Variants in SLIT2 observed in about 807,000 individuals in gnomAD.
SLIT2 encodes the protein slit guidance ligand 2, also known as slit homolog 2 protein.
In SLIT2, 41 loss-of-function variants were observed where a neutral mutation model predicts 185.7. The ratio of observed to expected loss-of-function variants is 0.22; its 90% CI spans 0.17 to 0.29. The LOEUF is 0.29. SLIT2 is among the 10% of genes least tolerant of loss of function. SLIT2 has a pLI of 1.00. For synonymous variants in SLIT2, 693 were observed against 680.2 expected, an observed-to-expected ratio of 1.02 and a Z score of -0.29; for missense variants, 1,571 against 1,909.0, an observed-to-expected ratio of 0.82 and a Z score of 3.30.
chr4:20,465,743 T>C (rs1714267999), intron 4 of SLIT2, among the ~76,000 whole-genome samples: 2 of 152,202 alleles, frequency 1.3e-5, no homozygotes, highest in South Asian at 4.1e-4. Flanking sequence ...CAATTTTTTC[T>C]ACAAACCACC....
At chr4:20,530,785 T>C (rs557191213) in intron 16 of SLIT2, among the ~76,000 whole-genome samples, 10 of 152,144 alleles carry the variant, frequency 6.6e-5, no homozygotes, top group Admixed American at 4.6e-4. Flanking sequence ...TCTTATAATT[T>C]AGATTAAAAG....
chr4:20,385,656 G>A (rs1724877189), intron 4 of SLIT2, among the ~76,000 whole-genome samples: 1 of 152,138 alleles, frequency 6.6e-6, no homozygotes, highest in African/African-American at 2.4e-5. Context: ...AGGTGATAAA[G>A]GGTTGCTGTT....
chr4:20,465,930 CT>C (rs1476593143), intron 4 of SLIT2, among the ~76,000 whole-genome samples: 1 of 148,984 alleles, frequency 6.7e-6, no homozygotes, highest in Non-Finnish European at 1.5e-5. Flanking sequence ...GCAAACACCT[CT>C]GCCGTTTTTA....
chr4:20,368,219 C>CAAAAAAAAAAAAAAGAAAAAAAAAAAAAA (rs1723273594), intron 4 of SLIT2, among the ~76,000 whole-genome samples: 6 of 107,428 alleles, frequency 5.6e-5, no homozygotes, highest in Non-Finnish European at 1.1e-4. Flanking sequence ...CACAAAATAG[C>CAAAAAAAAAAAAAAGAAAAAAAAAAAAAA]AAAAAAAAAA....
At chr4:20,573,398 AGTCATTCAGAT>A in intron 29 of SLIT2, 1 of 670,328 alleles carries the variant, frequency 1.5e-6, no homozygotes, top group Non-Finnish European at 2.7e-6. Flanking sequence ...ATGCCAAATC[AGTCATTCAGAT>A]GTTTAATCTA....
At chr4:20,486,762 AT>A (rs931497396) in intron 7 of SLIT2, among the ~76,000 whole-genome samples, 2 of 152,132 alleles carry the variant, frequency 1.3e-5, no homozygotes, top group Non-Finnish European at 2.9e-5. Flanking sequence ...ACATTAAGAT[AT>A]TTTTGGTCTA....
chr4:20,391,289 A>T (rs1296346061), intron 4 of SLIT2, among the ~76,000 whole-genome samples: 1 of 152,104 alleles, frequency 6.6e-6, no homozygotes, highest in Non-Finnish European at 1.5e-5. Context: ...AAGCATCTTG[A>T]TATTCCTGAT....
intron 4 of SLIT2, among the ~76,000 whole-genome samples, chr4:20,327,647 T>G (rs1719709453): frequency 6.6e-6 from 1 of 152,038 alleles, no homozygotes; most frequent in Admixed American, 6.6e-5. Context: ...AAAATAGAAT[T>G]ATTTCTTATG....
chr4:20,489,316 T>C (rs1356493862), intron 8 of SLIT2, among the ~76,000 whole-genome samples: 2 of 152,120 alleles, frequency 1.3e-5, no homozygotes, highest in African/African-American at 2.4e-5. Context: ...ATGTTAACAA[T>C]TGAAAAAAAA....
chr4:20,614,670 G>A (rs1010498798), intron 34 of SLIT2, among the ~76,000 whole-genome samples: 4 of 151,752 alleles, frequency 2.6e-5, no homozygotes, highest in African/African-American at 7.3e-5. Context: ...CCAGCTTCTC[G>A]GGAGGCTGAA....
At chr4:20,286,730 A>G (rs1715306136) in intron 4 of SLIT2, among the ~76,000 whole-genome samples, 1 of 152,124 alleles carries the variant, frequency 6.6e-6, no homozygotes, top group African/African-American at 2.4e-5. Context: ...TGAACCTGGG[A>G]GGCAAAGGTT....
At chr4:20,417,436 G>GTATATATATATATATATATATATATA (rs367855245) in intron 4 of SLIT2, among the ~76,000 whole-genome samples, 193 of 123,588 alleles carry the variant, frequency 1.6e-3, no homozygotes, top group Admixed American at 1.9e-3. Context: ...ATGTGTGTGT[G>GTATATATATATATATATATATATATA]TATATATATA....
intron 4 of SLIT2, among the ~76,000 whole-genome samples, chr4:20,309,757 TC>T (rs59602243): frequency 0.48 from 42,999 of 88,904 alleles, 8,697 homozygotes; most frequent in African/African-American, 0.59. Context: ...AGTCTTTCTT[TC>T]TTTTTTTTTT....
At chr4:20,548,627 G>T (rs1723461574) in intron 23 of SLIT2, 68 bp downstream of exon 23, 3 of 919,874 alleles carry the variant, frequency 3.3e-6, no homozygotes. Context: ...CTAGATGCTG[G>T]ACATTGCTAT....
chr4:20,257,880 G>A lies in SLIT2; in HGVS notation c.264G>A (p.Glu88=). 3.2e-6 allele frequency: 5 copies of A among 1,557,014 alleles called. No homozygotes were observed. The highest frequency in any genetic ancestry group is 1.4e-5 in the African/African-American group (1 of 73,658). ...LRHLRVLQLM[E]NKISTIERGA... ...TTTTGCATTTCAGTCAGCTTATGGA[G>A]AATAAGATTAGCACCATTGAAAGAG... is the stretch of plus-strand genomic sequence containing the variant. Residue 88 remains glutamate, a synonymous_variant, in exon 3 of 37, where the codon GAG becomes GAA. Transcript: ENST00000504154.
At chr4:20,400,044 G>A (rs559107883) in intron 4 of SLIT2, among the ~76,000 whole-genome samples, 1 of 151,894 alleles carries the variant, frequency 6.6e-6, no homozygotes, top group Admixed American at 6.6e-5. Flanking sequence ...GTTAAGGATA[G>A]TAACTTATGT....
rs951959679 is a variant in SLIT2, at chr4:20,528,573, T to G, written c.1463-376T>G. Among the ~76,000 whole-genome samples the G allele has an allele frequency of 3.9e-5, 6 of 152,140 alleles. No homozygotes were observed. Among genetic ancestry groups the G allele is most frequent in the Non-Finnish European group, 7.3e-5 (5 of 68,028 alleles). ...GAAAGCCCTAATTTACAATGAGATA[T>G]AGGATCATGTTTATTACTGGATATA... is the stretch of plus-strand genomic sequence containing the variant. On this transcript the variant is annotated intron_variant, in intron 15 of 36. Transcript: ENST00000504154. The surrounding 1 kb of genome is among the most constrained non-coding windows in gnomAD (Gnocchi z 4.2).
chr4:20,459,501 G>T (rs896500288), intron 4 of SLIT2, among the ~76,000 whole-genome samples: 11 of 152,112 alleles, frequency 7.2e-5, no homozygotes, highest in African/African-American at 2.7e-4. Context: ...GTTTCTTGGG[G>T]ATAATAACCT....
At chr4:20,527,623 T>G (rs1416640905) in intron 15 of SLIT2, among the ~76,000 whole-genome samples, 3 of 152,198 alleles carry the variant, frequency 2.0e-5, no homozygotes, top group Admixed American at 1.3e-4. Context: ...GAACTTAATT[T>G]GCACTATGCA....
Sources: allele counts gnomAD v4.1 joint callset (sites outside exome capture counted in the v4.1 genomes callset), GRCh38; gene constraint gnomAD v4.1.1; non-coding constraint Gnocchi (gnomAD v3.1); transcripts MANE v1.5; gene names NCBI Gene and HGNC (gene_info 2026-07-23, HGNC 2026-07-21).